The following ADAMTS2 variants were observed in gnomAD, a reference collection of about 807,000 sequenced individuals.
The protein encoded by ADAMTS2 is ADAM metallopeptidase with thrombospondin type 1 motif 2.
ADAMTS2 carries 50 observed loss-of-function variants against 123.0 expected under a neutral mutation model. The observed-to-expected ratio is 0.41, with a 90% CI of 0.32 to 0.51. The LOEUF (loss-of-function observed/expected upper bound fraction) is 0.51, where lower values mean the gene tolerates loss of function less well. ADAMTS2 is among the 20% of genes least tolerant of loss of function. The probability of loss-of-function intolerance (pLI) is 0.35; values close to 1 mark genes in which losing one functional copy is unlikely to be tolerated. For missense variants in ADAMTS2, 1,494 were observed against 1,705.2 expected (o/e 0.88, Z 2.18); for synonymous variants, 678 against 695.4 (o/e 0.98, Z 0.39).
chr5:179,124,887 G>A lies in ADAMTS2; in HGVS notation c.2958+86C>T, dbSNP rs191839572. The A allele has an allele frequency of 3.9e-4, 623 of 1,597,520 alleles. 1 individual carries two copies. In the African/African-American group the frequency reaches 7.4e-3, roughly 19 times the overall value. On this transcript the variant is annotated intron_variant, in intron 19 of 21. Transcript: ENST00000251582. Reference sequence around the variant, plus strand: ...GGAGCGGGTGGTGGTGTTGTGTAGCGGCTGAATGCAGCGCACGGAGCGCAC... The same window carrying A: ...GGAGCGGGTGGTGGTGTTGTGTAGCAGCTGAATGCAGCGCACGGAGCGCAC...
chr5:179,217,878 C>CG (rs1554131266), intron 3 of ADAMTS2, among the ~76,000 whole-genome samples: 5 of 80,738 alleles, frequency 6.2e-5, no homozygotes, highest in African/African-American at 1.7e-4. Context: ...TGAGGGCAGA[C>CG]GGCACACTCA....
At chr5:179,122,365 T>C (rs1762778675) in intron 20 of ADAMTS2, among the ~76,000 whole-genome samples, 2 of 145,950 alleles carry the variant, frequency 1.4e-5, no homozygotes, top group Admixed American at 1.4e-4. Context: ...CCCTACACCA[T>C]AGCCACCAGC....
intron 2 of ADAMTS2, chr5:179,341,342 A>G: frequency 2.5e-6 from 1 of 399,574 alleles, no homozygotes; most frequent in South Asian, 1.8e-5. Context: ...ATCAAAAGGA[A>G]AGAAAGAAAG....
rs1259275787 is a variant in ADAMTS2 at position 179,314,176 on chromosome 5, C to CT, written c.534+29590_534+29591insA. Among the ~76,000 whole-genome samples the CT allele has an allele frequency of 6.6e-6, 1 of 152,256 alleles. No individual in the cohort carries two copies. Among genetic ancestry groups the CT allele is most frequent in the Non-Finnish European group, 1.5e-5 (1 of 68,042 alleles). Reference sequence around the variant, plus strand: ...GCAGCCTGGGAGCACACAGACCGGCCAGGGCCAGGGCCAGGACTGGCATTT... The same window carrying CT: ...GCAGCCTGGGAGCACACAGACCGGCCTAGGGCCAGGGCCAGGACTGGCATTT... On this transcript the variant is annotated intron_variant, in intron 2 of 21. Coordinates refer to ENST00000251582, the MANE Select transcript of ADAMTS2 (RefSeq NM_014244.5). This position sits in a 1 kb window ranked among gnomAD's most constrained non-coding sequence, Gnocchi z 4.5.
At chr5:179,227,391 G>T (rs752162591) in intron 3 of ADAMTS2, among the ~76,000 whole-genome samples, 1 of 152,098 alleles carries the variant, frequency 6.6e-6, no homozygotes, top group Non-Finnish European at 1.5e-5. Flanking sequence ...GCTCCCTGAC[G>T]ACTCTACACT....
intron 3 of ADAMTS2, among the ~76,000 whole-genome samples, chr5:179,215,314 G>T (rs952456389): frequency 6.6e-6 from 1 of 152,146 alleles, no homozygotes; most frequent in African/African-American, 2.4e-5. Context: ...TGGGCATGGT[G>T]GTGCATGCCT....
rs1205181546 is a variant in ADAMTS2 at position 179,307,011 on chromosome 5, G to C, written c.535-33947C>G. 1.3e-5 allele frequency among the ~76,000 whole-genome samples: 2 copies of C among 152,158 alleles called. No homozygotes were observed. Among genetic ancestry groups the C allele is most frequent in the Non-Finnish European group, 2.9e-5 (2 of 68,036 alleles). On this transcript the variant is annotated intron_variant, in intron 2 of 21. Coordinates refer to ENST00000251582, the MANE Select transcript of ADAMTS2 (RefSeq NM_014244.5). This position sits in a 1 kb window ranked among gnomAD's most constrained non-coding sequence, Gnocchi z 5.6. ...CAGGGCCAGTCCCACATCTGTTGTG[G>C]CCCTGGCAGGATCAACCCTGGGCCT...
chr5:179,342,865 T>G (rs1165885233), intron 2 of ADAMTS2, among the ~76,000 whole-genome samples: 1 of 152,236 alleles, frequency 6.6e-6, no homozygotes, highest in East Asian at 1.9e-4. Context: ...CCCCTTGTGC[T>G]GAGCCACGGT....
chr5:179,145,475 A>G (rs1450205887), intron 10 of ADAMTS2, among the ~76,000 whole-genome samples: 1 of 152,238 alleles, frequency 6.6e-6, no homozygotes, highest in African/African-American at 2.4e-5. Context: ...CCAAATGTCC[A>G]TCAACTAATA....
rs1207252949 is a variant in ADAMTS2 at position 179,189,037 on chromosome 5, C to T, written c.892-7882G>A. Among the ~76,000 whole-genome samples the T allele has an allele frequency of 6.6e-6, 1 of 152,192 alleles. No individual in the cohort carries two copies. On this transcript the variant is annotated intron_variant, in intron 4 of 21. Coordinates refer to ENST00000251582, the MANE Select transcript of ADAMTS2 (RefSeq NM_014244.5). This position sits in a 1 kb window ranked among gnomAD's most constrained non-coding sequence, Gnocchi z 4.2. ...CTCTGAGGTCAGATTTCATGGGTGC[C>T]AGCATGGGCTCTGCCACAATCCTGC...
intron 2 of ADAMTS2, among the ~76,000 whole-genome samples, chr5:179,326,422 A>G (rs1757321241): frequency 6.6e-6 from 1 of 151,826 alleles, no homozygotes; most frequent in South Asian, 2.1e-4. Context: ...CTGGCAACAC[A>G]TCCCAGGCCG....
chr5:179,300,812 C>CCG (rs1756494603), intron 2 of ADAMTS2, among the ~76,000 whole-genome samples: 1 of 152,228 alleles, frequency 6.6e-6, no homozygotes, highest in South Asian at 2.1e-4. Flanking sequence ...ATACATACAA[C>CCG]TTAATTCAGT....
chr5:179,319,435 T>C (rs1757096175), intron 2 of ADAMTS2, among the ~76,000 whole-genome samples: 1 of 151,864 alleles, frequency 6.6e-6, no homozygotes, highest in Non-Finnish European at 1.5e-5. Flanking sequence ...GCATTATACA[T>C]GCACACGCCC....
intron 18 of ADAMTS2, 103 bp downstream of exon 18, chr5:179,125,895 C>T (rs1762846795): frequency 6.6e-7 from 1 of 1,512,066 alleles, no homozygotes; most frequent in Non-Finnish European, 9.0e-7. Context: ...TGGTCAAATG[C>T]CTCGGATGAT....
chr5:179,333,964 G>C (rs920877734), intron 2 of ADAMTS2, among the ~76,000 whole-genome samples: 1 of 152,150 alleles, frequency 6.6e-6, no homozygotes, highest in African/African-American at 2.4e-5. Flanking sequence ...TGGGATAACA[G>C]ATAACAGTGG....
At chr5:179,266,689 G>C (rs183327417) in intron 3 of ADAMTS2, among the ~76,000 whole-genome samples, 2 of 152,340 alleles carry the variant, frequency 1.3e-5, no homozygotes, top group Admixed American at 6.5e-5. Context: ...ACAGCTACAG[G>C]GCAGAAAGGC....
At position 179,193,634 on chromosome 5, in the gene ADAMTS2, T is replaced by C. The variant is rs1026374047; in HGVS notation, c.892-12479A>G. On this transcript the variant is annotated intron_variant, in intron 4 of 21. Transcript: ENST00000251582. The stretch of plus-strand genomic sequence containing the variant: ...TAGAGTTCATTTTTATGGGAGTCTC[T>C]GAGATCACAGTCGCTTTATGGGAAT... Among the ~76,000 whole-genome samples the C allele has an allele frequency of 7.9e-5, 12 of 152,202 alleles. No individual in the cohort carries two copies. In the East Asian group the frequency reaches 1.2e-3, roughly 15 times the overall value.
rs2113479527 is a variant in ADAMTS2, at chr5:179,256,794, C to A, written c.688+16117G>T. Among the ~76,000 whole-genome samples, 1 of 152,344 alleles carries A rather than the reference C, an allele frequency of 6.6e-6. No individual in the cohort carries two copies. Among genetic ancestry groups the A allele is most frequent in the African/African-American group, 2.4e-5 (1 of 41,586 alleles). The stretch of plus-strand genomic sequence containing the variant: ...TGAAAATTGAGATTTTCATGTGAAA[C>A]CTCCTGATTTTTAAGTGTACACTCA... On this transcript the variant is annotated intron_variant, in intron 3 of 21. Coordinates refer to ENST00000251582, the MANE Select transcript of ADAMTS2 (RefSeq NM_014244.5). This position sits in a 1 kb window ranked among gnomAD's most constrained non-coding sequence, Gnocchi z 4.1.
rs1421421283 is a variant in ADAMTS2, at chr5:179,158,178, G to A, written c.1132+545C>T. On this transcript the variant is annotated intron_variant, in intron 6 of 21. Coordinates refer to ENST00000251582, the MANE Select transcript of ADAMTS2 (RefSeq NM_014244.5). This position sits in a 1 kb window ranked among gnomAD's most constrained non-coding sequence, Gnocchi z 5.0. Reference sequence around the variant, plus strand: ...GACGGGGTTTCACCATGTTAGCCAAGATGGTCTCGATCTCCTGACCTCGTG... The same window carrying A: ...GACGGGGTTTCACCATGTTAGCCAAAATGGTCTCGATCTCCTGACCTCGTG... 1.3e-5 allele frequency among the ~76,000 whole-genome samples: 2 copies of A among 152,120 alleles called. No homozygotes were observed. The highest frequency in any genetic ancestry group is 2.9e-5 in the Non-Finnish European group (2 of 68,026).
Sources: allele counts gnomAD v4.1 joint callset (sites outside exome capture counted in the v4.1 genomes callset), GRCh38; gene constraint gnomAD v4.1.1; non-coding constraint Gnocchi (gnomAD v3.1); transcripts MANE v1.5; gene names NCBI Gene and HGNC (gene_info 2026-07-23, HGNC 2026-07-21).